Variants in GRID2 observed in about 807,000 individuals in gnomAD.
GRID2 encodes glutamate ionotropic receptor delta type subunit 2.
In GRID2, 33 loss-of-function variants were observed where a neutral mutation model predicts 114.8. That is an observed-to-expected ratio of 0.29 (90% CI 0.22 to 0.38). The LOEUF (loss-of-function observed/expected upper bound fraction) is 0.38, where lower values mean the gene tolerates loss of function less well. Among genes scored for constraint, GRID2 ranks in the 10% least tolerant of loss-of-function variants. The pLI, the probability that GRID2 is intolerant of heterozygous loss-of-function variation, is 1.00. For missense variants in GRID2, 1,184 were observed against 1,257.7 expected, an observed-to-expected ratio of 0.94 and a Z score of 0.89; for synonymous variants, 505 against 449.9, an observed-to-expected ratio of 1.12 and a Z score of -1.55.
At chr4:92,760,683 T>C (rs529660084) in intron 2 of GRID2, among the ~76,000 whole-genome samples, 2 of 152,324 alleles carry the variant, frequency 1.3e-5, no homozygotes, top group East Asian at 3.9e-4. Context: ...CACATCTCTA[T>C]ACAGAGTCTG....
At chr4:92,449,707 A>C (rs1401995276) in intron 1 of GRID2, among the ~76,000 whole-genome samples, 1 of 142,482 alleles carries the variant, frequency 7.0e-6, no homozygotes, top group Non-Finnish European at 1.5e-5. Flanking sequence ...ATATATATAT[A>C]TATAACACTT....
chr4:93,554,679 C>G (rs1451022416), intron 13 of GRID2, among the ~76,000 whole-genome samples: 1 of 152,098 alleles, frequency 6.6e-6, no homozygotes, highest in Non-Finnish European at 1.5e-5. Flanking sequence ...CTAGCTTACT[C>G]TAACCTCAAT....
At chr4:92,890,039 GT>G (rs1746645003) in intron 2 of GRID2, among the ~76,000 whole-genome samples, 3 of 152,152 alleles carry the variant, frequency 2.0e-5, no homozygotes. Flanking sequence ...TTAATAAATG[GT>G]GTTGGTAAAA....
intron 2 of GRID2, among the ~76,000 whole-genome samples, chr4:92,946,264 T>C (rs1312438407): frequency 6.6e-6 from 1 of 152,036 alleles, no homozygotes; most frequent in Non-Finnish European, 1.5e-5. Context: ...TTCCCAAAAG[T>C]TATTTGACTA....
chr4:92,444,389 G>T (rs1733324238), intron 1 of GRID2, among the ~76,000 whole-genome samples: 1 of 148,106 alleles, frequency 6.8e-6, no homozygotes, highest in African/African-American at 2.4e-5. Flanking sequence ...TTGTTCTCTG[G>T]CGGGCAGGAG....
chr4:92,356,920 A>G (rs1728357496), intron 1 of GRID2, among the ~76,000 whole-genome samples: 1 of 151,828 alleles, frequency 6.6e-6, no homozygotes, highest in Non-Finnish European at 1.5e-5. Flanking sequence ...CTCTGTAACA[A>G]ACTATGATCT....
chr4:93,483,281 A>G (rs952276561), intron 11 of GRID2, among the ~76,000 whole-genome samples: 51 of 152,108 alleles, frequency 3.4e-4, no homozygotes, highest in African/African-American at 1.2e-3. Flanking sequence ...TCTATTTACT[A>G]TGAGTTTTTA....
intron 2 of GRID2, among the ~76,000 whole-genome samples, chr4:93,025,300 T>A (rs999954992): frequency 6.6e-6 from 1 of 151,856 alleles, no homozygotes; most frequent in African/African-American, 2.4e-5. Flanking sequence ...TGTATCATGT[T>A]TATATTCTTC....
chr4:93,029,707 T>C (rs917740035), intron 2 of GRID2, among the ~76,000 whole-genome samples: 1 of 152,216 alleles, frequency 6.6e-6, no homozygotes, highest in Non-Finnish European at 1.5e-5. Flanking sequence ...CATCAGGTTT[T>C]TTTTAATATT....
At chr4:92,679,647 T>A (rs2149283189) in intron 2 of GRID2, among the ~76,000 whole-genome samples, 1 of 152,148 alleles carries the variant, frequency 6.6e-6, no homozygotes, top group African/African-American at 2.4e-5. Context: ...ACAGGTTCAT[T>A]TTTATAAACT....
chr4:93,586,773 G>T (rs1248952027), intron 13 of GRID2, among the ~76,000 whole-genome samples: 1 of 152,040 alleles, frequency 6.6e-6, no homozygotes, highest in Non-Finnish European at 1.5e-5. Flanking sequence ...GTAAGATCAG[G>T]ACACAAAGGC....
At chr4:92,686,714 T>C (rs1733924380) in intron 2 of GRID2, among the ~76,000 whole-genome samples, 1 of 151,956 alleles carries the variant, frequency 6.6e-6, no homozygotes, top group Admixed American at 6.6e-5. Context: ...ATTTTTATTC[T>C]TTAAAATTAT....
At chr4:93,253,063 C>G (rs1038987484) in intron 8 of GRID2, among the ~76,000 whole-genome samples, 3 of 148,816 alleles carry the variant, frequency 2.0e-5, no homozygotes, top group Non-Finnish European at 3.0e-5. Flanking sequence ...TCCTGGCTAA[C>G]ACGGTGAAAC....
intron 4 of GRID2, among the ~76,000 whole-genome samples, chr4:93,154,773 A>ACACCACCAC (rs533522738): frequency 1.6e-3 from 235 of 150,480 alleles, no homozygotes; most frequent in African/African-American, 5.5e-3. Flanking sequence ...AACAAAAAAA[A>ACACCACCAC]CACCACCACC....
At chr4:93,406,838 T>C (rs1766490662) in intron 9 of GRID2, among the ~76,000 whole-genome samples, 1 of 152,146 alleles carries the variant, frequency 6.6e-6, no homozygotes. Context: ...CATCTTCCCC[T>C]TCTGAGCTCC....
intron 1 of GRID2, among the ~76,000 whole-genome samples, chr4:92,542,988 CTAAA>C (rs1390447060): frequency 2.8e-5 from 4 of 141,144 alleles, no homozygotes; most frequent in African/African-American, 1.2e-4. Flanking sequence ...TGATGCACTT[CTAAA>C]TAAACAAACA....
At chr4:93,593,768 T>A (rs991101545) in intron 13 of GRID2, among the ~76,000 whole-genome samples, 21 of 152,196 alleles carry the variant, frequency 1.4e-4, no homozygotes, top group Non-Finnish European at 2.2e-4. Flanking sequence ...TTATTGTTTT[T>A]TCTCTAAACT....
intron 1 of GRID2, among the ~76,000 whole-genome samples, chr4:92,543,329 A>C (rs1394951526): frequency 6.6e-6 from 1 of 152,170 alleles, no homozygotes; most frequent in Non-Finnish European, 1.5e-5. Context: ...CTAGAGAATA[A>C]GAAGGTAAAT....
At chr4:92,444,055 A>C (rs773983920) in intron 1 of GRID2, among the ~76,000 whole-genome samples, 4 of 152,206 alleles carry the variant, frequency 2.6e-5, no homozygotes, top group South Asian at 2.1e-4. Flanking sequence ...AGGCCGCTTA[A>C]CTGATTTAAA....
Sources: allele counts gnomAD v4.1 joint callset (sites outside exome capture counted in the v4.1 genomes callset), GRCh38; gene constraint gnomAD v4.1.1; transcripts MANE v1.5; gene names NCBI Gene and HGNC (gene_info 2026-07-23, HGNC 2026-07-21).